The following NRXN3 variants were observed in gnomAD, a reference collection of about 807,000 sequenced individuals.
The protein encoded by NRXN3 is neurexin 3, also known as neurexin III.
In NRXN3, 32 loss-of-function variants were observed where a neutral mutation model predicts 137.6. That is an observed-to-expected ratio of 0.23 (90% CI 0.18 to 0.31). The LOEUF (loss-of-function observed/expected upper bound fraction) is 0.31, where lower values mean the gene tolerates loss of function less well. Ranked by LOEUF, NRXN3 falls within the 10% of genes least tolerant of loss-of-function variation. The pLI is 1.00. For synonymous variants in NRXN3, 798 were observed against 784.5 expected, an observed-to-expected ratio of 1.02 and a Z score of -0.29; for missense variants, 1,574 against 2,062.5, an observed-to-expected ratio of 0.76 and a Z score of 4.59.
rs371407786 is a variant in NRXN3 at position 79,188,934 on chromosome 14, C to T, written c.3262+200793C>T. On this transcript the variant is annotated intron_variant, in intron 15 of 20. Coordinates refer to ENST00000335750, the MANE Select transcript of NRXN3 (RefSeq NM_001330195.2). ...AGAAATAGGAACACTTTTACACTGTCGGTGGGACTGTAAACTAGTTCAACC... is the reference window on the plus strand; with the variant it reads ...AGAAATAGGAACACTTTTACACTGTTGGTGGGACTGTAAACTAGTTCAACC... 2.6e-4 allele frequency among the ~76,000 whole-genome samples: 40 copies of T among 152,142 alleles called. 1 individual carries two copies. Among genetic ancestry groups the T allele is most frequent in the African/African-American group, 6.3e-4 (26 of 41,506 alleles).
intron 4 of NRXN3, among the ~76,000 whole-genome samples, chr14:78,443,788 T>C (rs1475368257): frequency 6.6e-6 from 1 of 152,090 alleles, no homozygotes; most frequent in Non-Finnish European, 1.5e-5. Context: ...GCTGGGTACA[T>C]AGTAGGAGCT....
At chr14:78,493,563 T>TAAATAAAA (rs1567748760) in intron 4 of NRXN3, among the ~76,000 whole-genome samples, 2 of 132,090 alleles carry the variant, frequency 1.5e-5, no homozygotes, top group African/African-American at 5.6e-5. Context: ...AATAAATAAA[T>TAAATAAAA]AAAAAGAATT....
chr14:78,263,590 T>C (rs1223594903), intron 2 of NRXN3, among the ~76,000 whole-genome samples: 8 of 152,234 alleles, frequency 5.3e-5, no homozygotes, highest in Non-Finnish European at 1.2e-4. Context: ...AATTCAGTTT[T>C]ATCTTACTGA....
chr14:78,349,484 A>G (rs1188910147), intron 4 of NRXN3, among the ~76,000 whole-genome samples: 1 of 152,184 alleles, frequency 6.6e-6, no homozygotes, highest in South Asian at 2.1e-4. Context: ...GTCCCCATTT[A>G]TCTTCTTCCA....
chr14:79,381,002 C>G (rs1323534569), intron 15 of NRXN3, among the ~76,000 whole-genome samples: 1 of 151,992 alleles, frequency 6.6e-6, no homozygotes, highest in African/African-American at 2.4e-5. Context: ...CCACCTTGGA[C>G]AGAGAGACAG....
At position 78,511,613 on chromosome 14, in the gene NRXN3, AT is replaced by A. The variant is rs551678174; in HGVS notation, c.758-133503del. On this transcript the variant is annotated intron_variant, in intron 4 of 20. Transcript: ENST00000335750. ...GAGATTTTGCATATATATTTTTCTA[AT>A]TTTCATTTTTGCAAAATGTCATAAT... Among the ~76,000 whole-genome samples, 4 of 152,284 alleles carry A rather than the reference AT, an allele frequency of 2.6e-5. No homozygotes were observed. In the East Asian group the frequency reaches 7.7e-4, roughly 29 times the overall value.
rs528895638 is a variant in NRXN3 at position 78,221,721 on chromosome 14, G to A, written c.-703-20670G>A. On this transcript the variant is annotated intron_variant, in intron 1 of 20. Coordinates refer to ENST00000335750, the MANE Select transcript of NRXN3 (RefSeq NM_001330195.2). Reference sequence around the variant, plus strand: ...GCTGATCTAGGTTGTTCATAGTTGGGGTGGGTGGCTGGAATAGCTCTGGTC... The same window carrying A: ...GCTGATCTAGGTTGTTCATAGTTGGAGTGGGTGGCTGGAATAGCTCTGGTC... Among the ~76,000 whole-genome samples, 145 of 152,192 alleles carry A rather than the reference G, an allele frequency of 9.5e-4. 1 individual carries two copies. The highest frequency in any genetic ancestry group is 3.1e-4 in the Non-Finnish European group (21 of 68,022).
At chr14:78,709,859 A>C in intron 7 of NRXN3, 3 of 573,786 alleles carry the variant, frequency 5.2e-6, no homozygotes, top group Non-Finnish European at 3.1e-6. Flanking sequence ...CTCTCTTGTC[A>C]CTCACTGCGC....
At chr14:79,028,266 CAA>C (rs2099601880) in intron 15 of NRXN3, among the ~76,000 whole-genome samples, 1 of 152,150 alleles carries the variant, frequency 6.6e-6, no homozygotes. Flanking sequence ...TGGCAGGACT[CAA>C]GAGCTAACAT....
chr14:78,806,616 A>G (rs1391854618), intron 9 of NRXN3, among the ~76,000 whole-genome samples: 1 of 152,224 alleles, frequency 6.6e-6, no homozygotes, highest in African/African-American at 2.4e-5. Context: ...CTGATGTAAC[A>G]TATCTTCCAA....
In NRXN3 at chr14:79,118,171, AG is replaced by A. The variant is rs1250075217; in HGVS notation, c.3262+130032del. Among the ~76,000 whole-genome samples the A allele has an allele frequency of 3.8e-4, 58 of 151,998 alleles. No homozygotes were observed. In the Middle Eastern group the frequency reaches 0.01, roughly 27 times the overall value. The stretch of plus-strand genomic sequence containing the variant: ...TACATGAGGGAAAAAAAAAAAAAAA[AG>A]GAATGACTCTTTTTATCAACAAAAG... On this transcript the variant is annotated intron_variant, in intron 15 of 20. Coordinates refer to ENST00000335750, the MANE Select transcript of NRXN3 (RefSeq NM_001330195.2).
At chr14:79,761,762 A>C (rs1603468511) in intron 19 of NRXN3, among the ~76,000 whole-genome samples, 1 of 151,462 alleles carries the variant, frequency 6.6e-6, no homozygotes, top group Admixed American at 6.6e-5. Context: ...GTTTTGAATC[A>C]AATAATTTAT....
At chr14:79,570,411 G>C (rs1236227978) in intron 16 of NRXN3, 1 of 152,156 alleles carries the variant, frequency 6.6e-6, no homozygotes, top group African/African-American at 2.4e-5. Context: ...CTCTGGCCTG[G>C]TGCATAGGTT....
intron 16 of NRXN3, among the ~76,000 whole-genome samples, chr14:79,562,231 C>T: frequency 6.6e-6 from 1 of 152,148 alleles, no homozygotes; most frequent in Middle Eastern, 3.2e-3. Context: ...TCCTTATTCT[C>T]ATTCTACTAT....
At chr14:79,480,879 T>C (rs2096601306) in intron 16 of NRXN3, among the ~76,000 whole-genome samples, 1 of 152,172 alleles carries the variant, frequency 6.6e-6, no homozygotes, top group Non-Finnish European at 1.5e-5. Flanking sequence ...CTGCCATGAT[T>C]GTAAGTTTCC....
chr14:78,852,957 G>A (rs138207880), intron 10 of NRXN3, among the ~76,000 whole-genome samples: 6,180 of 151,596 alleles, frequency 0.041, 147 homozygotes, highest in Non-Finnish European at 0.06. Context: ...TCTGTGCCTG[G>A]CTTATTTCAC....
At position 79,286,376 on chromosome 14, in the gene NRXN3, T is replaced by C. The variant is rs139297668; in HGVS notation, c.3263-180845T>C. ...AAGTATAAATTTCTCGTTTTTCAATTTTCATATTTCTCAATTGAAAAATAT... is the reference window on the plus strand; with the variant it reads ...AAGTATAAATTTCTCGTTTTTCAATCTTCATATTTCTCAATTGAAAAATAT... On this transcript the variant is annotated intron_variant, in intron 15 of 20. Transcript: ENST00000335750. Among the ~76,000 whole-genome samples, 262 of 152,234 alleles carry C rather than the reference T, an allele frequency of 1.7e-3. 6 individuals carry two copies. In the South Asian group the frequency reaches 0.023, roughly 14 times the overall value.
chr14:78,225,989 GT>G (rs2064590444), intron 1 of NRXN3, among the ~76,000 whole-genome samples: 4 of 147,892 alleles, frequency 2.7e-5, no homozygotes, highest in Non-Finnish European at 6.0e-5. Context: ...GTGTGTGTGT[GT>G]GTGTGTGTGT....
intron 15 of NRXN3, among the ~76,000 whole-genome samples, chr14:79,393,813 C>CA (rs1195489181): frequency 1.3e-5 from 2 of 151,856 alleles, no homozygotes; most frequent in East Asian, 3.9e-4. Flanking sequence ...GAGACTGTCT[C>CA]AAAAAAACAA....
Sources: allele counts gnomAD v4.1 joint callset (sites outside exome capture counted in the v4.1 genomes callset), GRCh38; gene constraint gnomAD v4.1.1; transcripts MANE v1.5; gene names NCBI Gene and HGNC (gene_info 2026-07-23, HGNC 2026-07-21).